KLF12: variants seen among roughly 807,000 people sequenced by gnomAD.
KLF12 encodes KLF transcription factor 12, also known as Krueppel-like factor 12.
A neutral mutation model predicts 37.8 loss-of-function variants in KLF12; 9 were observed. That is an observed-to-expected ratio of 0.24 (90% CI 0.14 to 0.42). KLF12 has a LOEUF of 0.42. Among genes scored for constraint, KLF12 ranks in the 10% least tolerant of loss-of-function variants. The pLI, the probability that KLF12 is intolerant of heterozygous loss-of-function variation, is 1.00. For synonymous variants in KLF12, 208 were observed against 202.1 expected, an observed-to-expected ratio of 1.03 and a Z score of -0.25; for missense variants, 411 against 516.0, an observed-to-expected ratio of 0.80 and a Z score of 1.97.
At chr13:74,166,087 CTTTTTTT>C in the KLF12 span, among the ~76,000 whole-genome samples, 1 of 103,788 alleles carries the variant, frequency 9.6e-6, no homozygotes, top group African/African-American at 3.6e-5. Context: ...GCATAAACAC[CTTTTTTT>C]TTTTTTTTTT....
chr13:74,298,990 G>C, the KLF12 span, among the ~76,000 whole-genome samples: 895 of 152,228 alleles, frequency 5.9e-3, 4 homozygotes, highest in Non-Finnish European at 0.011. Flanking sequence ...TTCTCAACAA[G>C]GAAAGAAAAA....
intron 1 of KLF12, among the ~76,000 whole-genome samples, chr13:74,129,624 C>G (rs1878150851): frequency 6.6e-6 from 1 of 151,034 alleles, no homozygotes; most frequent in Non-Finnish European, 1.5e-5. Flanking sequence ...AATTATTACA[C>G]TAATAAATAT....
chr13:73,940,309 A>C (rs957121694), intron 3 of KLF12, among the ~76,000 whole-genome samples: 3 of 152,190 alleles, frequency 2.0e-5, no homozygotes, highest in Admixed American at 6.5e-5. Flanking sequence ...CCCTTCCTAG[A>C]GGCTGCCAGC....
At chr13:74,175,046 A>G in the KLF12 span, among the ~76,000 whole-genome samples, 3 of 152,322 alleles carry the variant, frequency 2.0e-5, no homozygotes, top group Admixed American at 1.3e-4. Context: ...TGCCACAAGC[A>G]TGGAGCCCCG....
intron 3 of KLF12, among the ~76,000 whole-genome samples, chr13:73,863,590 C>T (rs1886034759): frequency 6.6e-6 from 1 of 152,036 alleles, no homozygotes; most frequent in Non-Finnish European, 1.5e-5. Context: ...AGTGCTAAAA[C>T]TAGAATATCC....
At chr13:74,065,327 G>A (rs1305862817) in intron 1 of KLF12, among the ~76,000 whole-genome samples, 3 of 151,848 alleles carry the variant, frequency 2.0e-5, no homozygotes, top group Non-Finnish European at 2.9e-5. Context: ...AGCAAATCAT[G>A]GTCATATTCA....
At chr13:73,993,773 G>T (rs950013281) in intron 2 of KLF12, among the ~76,000 whole-genome samples, 15 of 152,144 alleles carry the variant, frequency 9.9e-5, no homozygotes, top group African/African-American at 3.1e-4. Context: ...AAGGAATCTT[G>T]CAAGCCAGGT....
At position 73,860,012 on chromosome 13, in the gene KLF12, G is replaced by A. The variant is rs571346730; in HGVS notation, c.124-13639C>T. Among the ~76,000 whole-genome samples the A allele has an allele frequency of 1.2e-4, 19 of 152,178 alleles. No homozygotes were observed. In the South Asian group the frequency reaches 3.7e-3, roughly 30 times the overall value. ...TCTTTGATAAAACCAATGTAATAAAGCGGAACTTTTGCAAATAGGACAATA... is the reference window on the plus strand; with the variant it reads ...TCTTTGATAAAACCAATGTAATAAAACGGAACTTTTGCAAATAGGACAATA... On this transcript the variant is annotated intron_variant, in intron 3 of 7. Coordinates refer to ENST00000377669, the MANE Select transcript of KLF12 (RefSeq NM_007249.5).
intron 2 of KLF12, among the ~76,000 whole-genome samples, chr13:73,956,606 T>A (rs893650643): frequency 6.6e-6 from 1 of 152,136 alleles, no homozygotes; most frequent in African/African-American, 2.4e-5. Context: ...AATTGCTGAT[T>A]CTATGAACTC....
At chr13:74,235,656 T>A in the KLF12 span, among the ~76,000 whole-genome samples, 2 of 152,212 alleles carry the variant, frequency 1.3e-5, no homozygotes, top group African/African-American at 4.8e-5. Flanking sequence ...TTACACTTGC[T>A]TTTTATAATT....
At chr13:73,953,599 A>G (rs1472199980) in intron 2 of KLF12, among the ~76,000 whole-genome samples, 1 of 152,220 alleles carries the variant, frequency 6.6e-6, no homozygotes, top group Non-Finnish European at 1.5e-5. Context: ...GAAAATGAAG[A>G]TTACTATTAA....
At chr13:74,166,832 T>A in the KLF12 span, among the ~76,000 whole-genome samples, 1 of 152,208 alleles carries the variant, frequency 6.6e-6, no homozygotes, top group African/African-American at 2.4e-5. Flanking sequence ...TATGCTCAAA[T>A]AATTAGCTCT....
chr13:73,765,446 A>G (rs1223294755), intron 5 of KLF12, among the ~76,000 whole-genome samples: 1 of 152,202 alleles, frequency 6.6e-6, no homozygotes, highest in African/African-American at 2.4e-5. Context: ...AACTCTAGGA[A>G]GCAAACAACG....
chr13:73,879,473 T>C (rs934671206), intron 3 of KLF12, among the ~76,000 whole-genome samples: 4 of 152,230 alleles, frequency 2.6e-5, no homozygotes, highest in Non-Finnish European at 4.4e-5. Flanking sequence ...AACTGCTTTA[T>C]ATAACTCTAA....
chr13:74,071,511 C>T (rs1275584610), intron 1 of KLF12, among the ~76,000 whole-genome samples: 1 of 122,270 alleles, frequency 8.2e-6, no homozygotes, highest in Admixed American at 9.3e-5. Context: ...ACAGTGAAAC[C>T]CCGTCTCTAC....
At chr13:73,844,887 C>T (rs1436658256) in intron 4 of KLF12, 1 of 152,150 alleles carries the variant, frequency 6.6e-6, no homozygotes, top group Non-Finnish European at 1.5e-5. Context: ...AAAGTACATA[C>T]ATATTATTTA....
intron 3 of KLF12, among the ~76,000 whole-genome samples, chr13:73,900,393 A>G (rs1424341612): frequency 6.6e-6 from 1 of 152,212 alleles, no homozygotes; most frequent in East Asian, 1.9e-4. Flanking sequence ...ATTGCTAGTC[A>G]CAATAACTAG....
chr13:73,837,293 T>C (rs1468303626), intron 4 of KLF12, among the ~76,000 whole-genome samples: 1 of 152,216 alleles, frequency 6.6e-6, no homozygotes, highest in East Asian at 1.9e-4. Context: ...GTCTCCTCCC[T>C]GCGCCAGTTA....
chr13:74,233,696 T>C, the KLF12 span, among the ~76,000 whole-genome samples: 1 of 152,182 alleles, frequency 6.6e-6, no homozygotes, highest in Non-Finnish European at 1.5e-5. Flanking sequence ...GAATATACTT[T>C]TTAGAATTAA....
Sources: allele counts gnomAD v4.1 joint callset (sites outside exome capture counted in the v4.1 genomes callset), GRCh38; gene constraint gnomAD v4.1.1; transcripts MANE v1.5; gene names NCBI Gene and HGNC (gene_info 2026-07-23, HGNC 2026-07-21).